Variants in PDGFRL observed in about 807,000 individuals in gnomAD.
PDGFRL encodes the protein platelet derived growth factor receptor like.
A neutral mutation model predicts 37.2 loss-of-function variants in PDGFRL; 46 were observed. That is an observed-to-expected ratio of 1.24 (90% CI 0.98 to 1.58). The LOEUF (loss-of-function observed/expected upper bound fraction) is 1.58, where lower values mean the gene tolerates loss of function less well. Ranked by LOEUF, PDGFRL falls within the 40% of genes most tolerant of loss-of-function variation. The probability of loss-of-function intolerance (pLI) is 0.00; values close to 1 mark genes in which losing one functional copy is unlikely to be tolerated. For synonymous variants in PDGFRL, 251 were observed against 184.3 expected (o/e 1.36, Z -2.93); for missense variants, 692 against 467.6 (o/e 1.48, Z -4.43).
At chr8:17,598,258 A>T (rs888026293) in intron 2 of PDGFRL, among the ~76,000 whole-genome samples, 8 of 152,228 alleles carry the variant, frequency 5.3e-5, no homozygotes, top group Non-Finnish European at 1.2e-4. Context: ...TGTGATCAGT[A>T]GTTTCCCTAG....
chr8:17,598,827 C>T (rs114140749), intron 2 of PDGFRL, among the ~76,000 whole-genome samples: 69 of 152,236 alleles, frequency 4.5e-4, no homozygotes, highest in African/African-American at 1.6e-3. Context: ...ATACGTCTCA[C>T]GAGATCACAT....
At chr8:17,584,961 C>G (rs1177907450) in intron 1 of PDGFRL, among the ~76,000 whole-genome samples, 1 of 152,004 alleles carries the variant, frequency 6.6e-6, no homozygotes, top group Non-Finnish European at 1.5e-5. Flanking sequence ...TGATTATATG[C>G]TAAACAAGGG....
rs1236164534 is a variant in PDGFRL at position 17,627,985 on chromosome 8, C to CTTTTTTTTTTTT, written c.506-499_506-498insTTTTTTTTTTTT. ...TACTGATACCTTTTCTGTTTTCTTT[C>CTTTTTTTTTTTT]TTTCTTTTTTTTTTTTTTTTTTTTT... On this transcript the variant is annotated intron_variant, in intron 3 of 5. Transcript: ENST00000251630. Among the ~76,000 whole-genome samples the CTTTTTTTTTTTT allele has an allele frequency of 5.2e-4, 64 of 124,002 alleles. 1 individual carries two copies. The highest frequency in any genetic ancestry group is 8.2e-4 in the South Asian group (3 of 3,670). 81.4% of individuals were successfully genotyped at this position (124,002 alleles called of 152,430 possible).
chr8:17,636,558 T>G (rs1277833569), intron 5 of PDGFRL, among the ~76,000 whole-genome samples: 4 of 9,150 alleles, frequency 4.4e-4, no homozygotes, highest in Non-Finnish European at 1.0e-3. Context: ...GCCTCTAGAT[T>G]TGTTTTTTTT....
At chr8:17,609,573 G>T (rs1169254449) in intron 2 of PDGFRL, among the ~76,000 whole-genome samples, 1 of 140,042 alleles carries the variant, frequency 7.1e-6, no homozygotes, top group African/African-American at 2.6e-5. Flanking sequence ...GGGAGGTGGA[G>T]GTTGCAGTGA....
intron 2 of PDGFRL, among the ~76,000 whole-genome samples, chr8:17,609,785 G>C (rs1220793566): frequency 6.6e-6 from 1 of 152,054 alleles, no homozygotes; most frequent in Admixed American, 6.5e-5. Context: ...TTGAGCCACA[G>C]AGCCTAAGAG....
intron 5 of PDGFRL, among the ~76,000 whole-genome samples, chr8:17,638,784 T>A (rs868406909): frequency 9.6e-5 from 11 of 115,056 alleles, no homozygotes; most frequent in African/African-American, 3.5e-4. Flanking sequence ...TATATATATA[T>A]ATAATTGTGA....
intron 2 of PDGFRL, among the ~76,000 whole-genome samples, chr8:17,619,373 T>C (rs754175572): frequency 1.2e-4 from 19 of 152,182 alleles, no homozygotes; most frequent in Non-Finnish European, 2.6e-4. Flanking sequence ...TAATAATAAA[T>C]ATGTATGCCC....
intron 4 of PDGFRL, among the ~76,000 whole-genome samples, chr8:17,631,582 A>G (rs1804862237): frequency 6.6e-6 from 1 of 151,500 alleles, no homozygotes; most frequent in Admixed American, 6.6e-5. Flanking sequence ...CCTGAATGAA[A>G]GAGCTCTCCA....
chr8:17,588,006 C>A (rs369083231), intron 1 of PDGFRL, among the ~76,000 whole-genome samples: 3 of 152,034 alleles, frequency 2.0e-5, no homozygotes, highest in South Asian at 2.1e-4. Flanking sequence ...TTTTAGAGTC[C>A]GGTGGCCCAC....
In PDGFRL at chr8:17,642,913, C is replaced by G. The variant is rs937363676; in HGVS notation, c.*112C>G. On this transcript the variant is annotated 3_prime_UTR_variant, in exon 6 of 6. Coordinates refer to ENST00000251630, the MANE Select transcript of PDGFRL (RefSeq NM_001372073.1). ...GAGGCTGATGTCAAGCACCACACCCCAACCCCAGCGTCTCGTGAGTCCGAC... is the reference window on the plus strand; with the variant it reads ...GAGGCTGATGTCAAGCACCACACCCGAACCCCAGCGTCTCGTGAGTCCGAC... The G allele has an allele frequency of 1.5e-6, 1 of 674,358 alleles. No individual in the cohort carries two copies. Among genetic ancestry groups the G allele is most frequent in the Non-Finnish European group, 2.6e-6 (1 of 385,452 alleles). The allele number at this position is 674,358 out of a possible 1,614,324, so 41.8% of individuals were successfully genotyped here.
intron 5 of PDGFRL, among the ~76,000 whole-genome samples, chr8:17,638,887 A>G (rs908112007): frequency 6.6e-6 from 1 of 150,722 alleles, no homozygotes; most frequent in African/African-American, 2.4e-5. Context: ...TCTGTCTGAT[A>G]TAAGAACAGC....
chr8:17,621,254 A>G, intron 3 of PDGFRL, 52 bp downstream of exon 3: 1 of 1,340,666 alleles, frequency 7.5e-7, no homozygotes. Flanking sequence ...GACCGGGCTG[A>G]GAGCTGAAGG....
chr8:17,619,050 G>A (rs1231548137), intron 2 of PDGFRL, among the ~76,000 whole-genome samples: 1 of 152,152 alleles, frequency 6.6e-6, no homozygotes, highest in Non-Finnish European at 1.5e-5. Context: ...ACCAGAACAG[G>A]GCTGCGTTCA....
intron 5 of PDGFRL, among the ~76,000 whole-genome samples, chr8:17,637,221 G>C (rs1023400974): frequency 4.6e-5 from 7 of 152,074 alleles, no homozygotes; most frequent in Non-Finnish European, 8.8e-5. Context: ...TTCCCATTCA[G>C]TATAGACAGT....
intron 2 of PDGFRL, among the ~76,000 whole-genome samples, chr8:17,596,970 G>C (rs990998107): frequency 1.3e-5 from 2 of 152,144 alleles, no homozygotes; most frequent in African/African-American, 4.8e-5. Flanking sequence ...GACAGTGTTG[G>C]GTTTGGAAGC....
chr8:17,595,137 A>T (rs375944801), intron 2 of PDGFRL, among the ~76,000 whole-genome samples: 1 of 151,988 alleles, frequency 6.6e-6, no homozygotes, highest in Non-Finnish European at 1.5e-5. Flanking sequence ...CTCTGGATGG[A>T]GGGACAGCCC....
chr8:17,589,435 T>C (rs117403338), intron 1 of PDGFRL, 33 bp from the exon 2 acceptor site: 40,326 of 1,526,956 alleles, frequency 0.026, 969 homozygotes, highest in Admixed American at 0.11. Flanking sequence ...ATGTCATTAC[T>C]ACAGCGCATT....
intron 2 of PDGFRL, among the ~76,000 whole-genome samples, chr8:17,604,245 A>T (rs540960005): frequency 6.6e-6 from 1 of 152,226 alleles, no homozygotes; most frequent in African/African-American, 2.4e-5. Flanking sequence ...GTATATACCC[A>T]AAGAGTTATA....
Sources: allele counts gnomAD v4.1 joint callset (sites outside exome capture counted in the v4.1 genomes callset), GRCh38; gene constraint gnomAD v4.1.1; transcripts MANE v1.5; gene names NCBI Gene and HGNC (gene_info 2026-07-23, HGNC 2026-07-21).